GABBR2: variants seen among roughly 807,000 people sequenced by gnomAD.
GABBR2 encodes gamma-aminobutyric acid type B receptor subunit 2.
GABBR2 carries 23 observed loss-of-function variants against 105.6 expected under a neutral mutation model. The observed-to-expected ratio is 0.22, with a 90% CI of 0.16 to 0.31. GABBR2 has a LOEUF of 0.31. GABBR2 is among the 10% of genes least tolerant of loss of function. The pLI is 1.00. For synonymous variants in GABBR2, 478 were observed against 499.7 expected (o/e 0.96, Z 0.58); for missense variants, 734 against 1,245.5 (o/e 0.59, Z 6.18).
At chr9:98,376,878 A>T (rs1457292430) in intron 11 of GABBR2, among the ~76,000 whole-genome samples, 1 of 152,098 alleles carries the variant, frequency 6.6e-6, no homozygotes, top group Non-Finnish European at 1.5e-5. Flanking sequence ...CCTTGGGGCA[A>T]ATCAGAGAGA....
At chr9:98,609,685 C>T (rs1210769236) in intron 1 of GABBR2, among the ~76,000 whole-genome samples, 3 of 152,164 alleles carry the variant, frequency 2.0e-5, no homozygotes, top group Non-Finnish European at 2.9e-5. Context: ...CAGCTTTCGG[C>T]CCCCTCAGAA....
In GABBR2 at chr9:98,290,557, G is replaced by C. The variant is rs777626373; in HGVS notation, c.*27C>G. ...TGCCCAGTGTGGTTCTGTCACGGGG[G>C]AGGCCCCGGGCCCAGGCCTCCCACC... On this transcript the variant is annotated 3_prime_UTR_variant, in exon 19 of 19. Coordinates refer to ENST00000259455, the MANE Select transcript of GABBR2 (RefSeq NM_005458.8). 1.6e-5 allele frequency: 22 copies of C among 1,347,428 alleles called. No homozygotes were observed. Among genetic ancestry groups the C allele is most frequent in the Admixed American group, 3.5e-5 (1 of 28,644 alleles). 83.5% of individuals were successfully genotyped at this position (1,347,428 alleles called of 1,614,324 possible).
intron 11 of GABBR2, among the ~76,000 whole-genome samples, chr9:98,385,065 C>G (rs1832046877): frequency 6.6e-6 from 1 of 152,188 alleles, no homozygotes; most frequent in Non-Finnish European, 1.5e-5. Flanking sequence ...ATGGGAGGAT[C>G]TGTTCCTTCT....
chr9:98,639,366 G>C (rs1829926836), intron 1 of GABBR2, among the ~76,000 whole-genome samples: 1 of 152,142 alleles, frequency 6.6e-6, no homozygotes, highest in Non-Finnish European at 1.5e-5. Flanking sequence ...TCACCACCTT[G>C]CATGTTTGGG....
chr9:98,385,760 C>T lies in GABBR2; in HGVS notation c.1542G>A (p.Met514Ile). The change falls in exon 11 of 19, where the codon ATG becomes ATA. Residue 514 changes from methionine (M) to isoleucine (I), a missense_variant. Met to Ile is a conservative substitution (Grantham distance 10, BLOSUM62 1). Around this residue, in one of 7 missense-constraint regions of GABBR2, gnomAD observed 370 missense variants for 648.9 expected, o/e 0.57. Coordinates refer to ENST00000259455, the MANE Select transcript of GABBR2 (RefSeq NM_005458.8). Reference sequence around the variant, plus strand: ...TAAGGTTGTTCATGTATGGACTCGACATCTTTATGAGCCTGACAAGAGAAA... The same window carrying T: ...TAAGGTTGTTCATGTATGGACTCGATATCTTTATGAGCCTGACAAGAGAAA... ...IKNRNQKLIKMSSPYMNNLII... is the reference protein window; with the variant it reads ...IKNRNQKLIKISSPYMNNLII... The T allele has an allele frequency of 6.2e-7, 1 of 1,609,834 alleles. No individual in the cohort carries two copies. Among genetic ancestry groups the T allele is most frequent in the Non-Finnish European group, 8.5e-7 (1 of 1,176,156 alleles).
intron 3 of GABBR2, among the ~76,000 whole-genome samples, chr9:98,500,093 A>C (rs1423031877): frequency 6.6e-6 from 1 of 152,238 alleles, no homozygotes; most frequent in Non-Finnish European, 1.5e-5. Flanking sequence ...AACAAAAAAA[A>C]CTGGAGCCAA....
rs202080871 is a variant in GABBR2, at chr9:98,388,999, C to T, written c.1384G>A (p.Glu462Lys). Reference protein sequence around the residue: ...INDTIRFQGSEPPKDKTIILE... With the variant: ...INDTIRFQGSKPPKDKTIILE... ...ATGATGGTCTTGTCTTTTGGTGGTT[C>T]GGATCCTAGAGGATCAAGAGAAGAC... The change falls in exon 10 of 19, where the codon GAA (glutamate) becomes AAA (lysine). Residue 462 changes from glutamate to lysine, a missense_variant. Transcript: ENST00000259455. The surrounding 1 kb of genome is among the most constrained non-coding windows in gnomAD (Gnocchi z 4.4). 1.3e-4 allele frequency: 214 copies of T among 1,612,518 alleles called. 3 individuals are homozygous for T. Among genetic ancestry groups the T allele is most frequent in the South Asian group, 8.8e-5 (8 of 90,750 alleles).
At chr9:98,633,833 A>G (rs1829845210) in intron 1 of GABBR2, among the ~76,000 whole-genome samples, 1 of 152,076 alleles carries the variant, frequency 6.6e-6, no homozygotes, top group Non-Finnish European at 1.5e-5. Flanking sequence ...GGCATCCATC[A>G]GAGGAGTCCT....
At chr9:98,697,803 C>A (rs1051077776) in intron 1 of GABBR2, among the ~76,000 whole-genome samples, 2 of 152,188 alleles carry the variant, frequency 1.3e-5, no homozygotes, top group Non-Finnish European at 2.9e-5. Context: ...GACAACCAAG[C>A]CAACTCTCCC....
chr9:98,688,972 G>A (rs752691469), intron 1 of GABBR2, among the ~76,000 whole-genome samples: 4 of 152,160 alleles, frequency 2.6e-5, no homozygotes, highest in Admixed American at 6.5e-5. Context: ...AGGAAAGCAC[G>A]TTCAGGACAG....
chr9:98,585,053 A>G (rs925095055), intron 1 of GABBR2, among the ~76,000 whole-genome samples: 1 of 152,164 alleles, frequency 6.6e-6, no homozygotes, highest in Admixed American at 6.5e-5. Flanking sequence ...CCCATACAGG[A>G]TAGTTTTACA....
chr9:98,613,258 A>G (rs1829532003), intron 1 of GABBR2, among the ~76,000 whole-genome samples: 1 of 152,048 alleles, frequency 6.6e-6, no homozygotes. Flanking sequence ...GGGCAACATA[A>G]TGAGACCCAA....
chr9:98,513,556 A>G (rs1180988031), intron 3 of GABBR2, among the ~76,000 whole-genome samples: 1 of 151,900 alleles, frequency 6.6e-6, no homozygotes, highest in Non-Finnish European at 1.5e-5. Context: ...AAACAATTTT[A>G]CAAAAAAAAA....
At chr9:98,401,868 C>T (rs1355134819) in intron 8 of GABBR2, among the ~76,000 whole-genome samples, 1 of 152,174 alleles carries the variant, frequency 6.6e-6, no homozygotes, top group Non-Finnish European at 1.5e-5. Flanking sequence ...TCTTATTCAA[C>T]TTGGTTTTCT....
At chr9:98,541,327 CACTTTT>C (rs1828298806) in intron 3 of GABBR2, among the ~76,000 whole-genome samples, 1 of 151,520 alleles carries the variant, frequency 6.6e-6, no homozygotes, top group Admixed American at 6.6e-5. Flanking sequence ...GACAAAGCAA[CACTTTT>C]ACATTTTTTA....
chr9:98,403,919 G>A (rs941831830), intron 8 of GABBR2, among the ~76,000 whole-genome samples: 7 of 152,112 alleles, frequency 4.6e-5, no homozygotes, highest in African/African-American at 1.7e-4. Flanking sequence ...TCGCTTGCCT[G>A]AAATTCTACA....
chr9:98,300,788 A>G (rs7850445), intron 16 of GABBR2, among the ~76,000 whole-genome samples: 45,927 of 152,044 alleles, frequency 0.3, 7,306 homozygotes, highest in African/African-American at 0.39. Context: ...CACAGAGAGA[A>G]AGTCTTGCCC....
At chr9:98,536,406 T>C (rs1361707217) in intron 3 of GABBR2, among the ~76,000 whole-genome samples, 4 of 152,122 alleles carry the variant, frequency 2.6e-5, no homozygotes, top group South Asian at 2.1e-4. Flanking sequence ...AGCTGCAACA[T>C]AGAATTGAGA....
intron 4 of GABBR2, among the ~76,000 whole-genome samples, chr9:98,487,969 G>A (rs1245149364): frequency 6.6e-6 from 1 of 152,192 alleles, no homozygotes; most frequent in African/African-American, 2.4e-5. Context: ...ATGTATTCAT[G>A]TATTCACAAG....
Sources: allele counts gnomAD v4.1 joint callset (sites outside exome capture counted in the v4.1 genomes callset), GRCh38; gene constraint gnomAD v4.1.1; regional missense constraint gnomAD v4.1.1; non-coding constraint Gnocchi (gnomAD v3.1); transcripts MANE v1.5; gene names NCBI Gene and HGNC (gene_info 2026-07-23, HGNC 2026-07-21).